VPS35L: variants seen among roughly 807,000 people sequenced by gnomAD.
The protein encoded by VPS35L is VPS35 endosomal protein-sorting factor-like.
In VPS35L, 83 loss-of-function variants were observed where a neutral mutation model predicts 133.0. The ratio of observed to expected loss-of-function variants is 0.62; its 90% confidence interval spans 0.52 to 0.75. The LOEUF (loss-of-function observed/expected upper bound fraction) is 0.75. Among genes scored for constraint, VPS35L ranks in the 30% least tolerant of loss-of-function variants. VPS35L has a pLI of 0.00. For synonymous variants in VPS35L, 423 were observed against 449.9 expected (o/e 0.94, Z 0.76); for missense variants, 1,083 against 1,206.8 (o/e 0.90, Z 1.52).
chr16:19,698,668 G>C (rs1438224296), intron 29 of VPS35L, among the ~76,000 whole-genome samples: 1 of 152,110 alleles, frequency 6.6e-6, no homozygotes, highest in Non-Finnish European at 1.5e-5. Context: ...GCTCTTACAC[G>C]CATTCACTGT....
intron 16 of VPS35L, 99 bp downstream of exon 16, chr16:19,627,904 A>C (rs773017405): frequency 3.3e-6 from 3 of 916,386 alleles, no homozygotes; most frequent in Non-Finnish European, 5.3e-6. Flanking sequence ...ATGGGCCAGC[A>C]GGAACACAGG....
Position 19,608,962 on chromosome 16 carries a change from A to T in VPS35L, c.882-12A>T. 1 of 1,613,052 alleles carries T rather than the reference A, an allele frequency of 6.2e-7. No individual in the cohort carries two copies. ...TCTGGAAAACATCTTCCTTAACAGG[A>T]TGTTTTTGTAGTTACGTGGAGGCAT... is the stretch of plus-strand genomic sequence containing the variant. On this transcript the variant is annotated splice_polypyrimidine_tract_variant and intron_variant, in intron 10 of 30. Transcript: ENST00000417362.
At chr16:19,581,002 T>C (rs1216332122) in intron 6 of VPS35L, among the ~76,000 whole-genome samples, 1 of 152,150 alleles carries the variant, frequency 6.6e-6, no homozygotes, top group Non-Finnish European at 1.5e-5. Context: ...CCCCATAGAA[T>C]TGTGTTTTCT....
At chr16:19,673,550 A>G (rs1974947063) in intron 27 of VPS35L, among the ~76,000 whole-genome samples, 1 of 149,064 alleles carries the variant, frequency 6.7e-6, no homozygotes, top group Admixed American at 6.7e-5. Flanking sequence ...GATTTGAGTT[A>G]TTTATTCCTT....
chr16:19,591,440 G>T (rs113744391), intron 7 of VPS35L, among the ~76,000 whole-genome samples: 1 of 152,092 alleles, frequency 6.6e-6, no homozygotes, highest in Admixed American at 6.6e-5. Flanking sequence ...TATGGGCCGG[G>T]TGCGGTGGCT....
At chr16:19,644,188 T>C (rs1342271055) in intron 22 of VPS35L, among the ~76,000 whole-genome samples, 4 of 152,220 alleles carry the variant, frequency 2.6e-5, no homozygotes, top group African/African-American at 9.7e-5. Flanking sequence ...TAATGACTTT[T>C]TCTTATTTAT....
intron 26 of VPS35L, among the ~76,000 whole-genome samples, chr16:19,661,991 T>A (rs905911994): frequency 6.6e-6 from 1 of 152,138 alleles, no homozygotes; most frequent in Non-Finnish European, 1.5e-5. Flanking sequence ...TTTAGAAATT[T>A]AAGCCTGGGC....
At chr16:19,646,520 C>A (rs1597391648) in intron 23 of VPS35L, among the ~76,000 whole-genome samples, 1 of 152,028 alleles carries the variant, frequency 6.6e-6, no homozygotes, top group Admixed American at 6.6e-5. Flanking sequence ...ACAAAATTAG[C>A]CGGGTGTTGT....
At chr16:19,561,121 G>A (rs550614519) in intron 1 of VPS35L, among the ~76,000 whole-genome samples, 96 of 152,256 alleles carry the variant, frequency 6.3e-4, no homozygotes, top group Admixed American at 6.1e-3. Flanking sequence ...TGTAATCCCA[G>A]CACTTTGGGA....
chr16:19,691,529 G>A (rs2151626491), intron 29 of VPS35L, 58 bp downstream of exon 29: 3 of 1,429,330 alleles, frequency 2.1e-6, no homozygotes, highest in Non-Finnish European at 3.0e-6. Flanking sequence ...AAGTTTCCAG[G>A]GTGGTTCAAC....
intron 26 of VPS35L, among the ~76,000 whole-genome samples, chr16:19,659,011 G>A (rs111569441): frequency 0.044 from 6,722 of 152,246 alleles, 495 homozygotes; most frequent in African/African-American, 0.15. Context: ...TAACCACTGT[G>A]CCTCTCTATA....
At chr16:19,649,857 T>A (rs1193017991) in intron 24 of VPS35L, among the ~76,000 whole-genome samples, 1 of 152,204 alleles carries the variant, frequency 6.6e-6, no homozygotes, top group African/African-American at 2.4e-5. Flanking sequence ...GGTAATAGTA[T>A]CCACCCTGGG....
intron 26 of VPS35L, among the ~76,000 whole-genome samples, chr16:19,654,835 G>A (rs1027575024): frequency 6.6e-6 from 1 of 152,200 alleles, no homozygotes; most frequent in African/African-American, 2.4e-5. Context: ...GGAGGCTTTA[G>A]AAGCCTAGAT....
Position 19,616,177 on chromosome 16 carries a change from C to A in VPS35L, c.1087C>A (p.Leu363Ile), listed in dbSNP as rs1329265843. Residue 363 changes from leucine to isoleucine, a missense_variant, in exon 13 of 31, where the codon CTT becomes ATT. Leu to Ile is a conservative substitution (Grantham distance 5). Coordinates refer to ENST00000417362, the MANE Select transcript of VPS35L (RefSeq NM_020314.7). Reference sequence around the variant, plus strand: ...AAATAAGAACTTTTTTGACTTCCTCCTTACGTTCAAACAGGTAAGAGAACA... The same window carrying A: ...AAATAAGAACTTTTTTGACTTCCTCATTACGTTCAAACAGGTAAGAGAACA... ...TLNKNFFDFL[L>I]TFKQIHGDTV... 1.9e-6 allele frequency: 3 copies of A among 1,611,472 alleles called. No homozygotes were observed. The highest frequency in any genetic ancestry group is 1.7e-5 in the Admixed American group (1 of 59,962).
rs1366502319 is a variant in VPS35L at position 19,639,689 on chromosome 16, T to A, written c.1699-326T>A. ...GACTACAGGCATGCATCACCATGCC[T>A]GGTTTATTTTTGTATTTTTAGTAGA... is the stretch of plus-strand genomic sequence containing the variant. On this transcript the variant is annotated intron_variant, in intron 20 of 30. Coordinates refer to ENST00000417362, the MANE Select transcript of VPS35L (RefSeq NM_020314.7). This position sits in a 1 kb window ranked among gnomAD's most constrained non-coding sequence, Gnocchi z 4.1. Among the ~76,000 whole-genome samples the A allele has an allele frequency of 3.3e-5, 5 of 152,062 alleles. No individual in the cohort carries two copies. Among genetic ancestry groups the A allele is most frequent in the African/African-American group, 1.2e-4 (5 of 41,408 alleles).
chr16:19,573,184 G>A lies in VPS35L; in HGVS notation c.351G>A (p.Trp117Ter), dbSNP rs780519985. The stretch of plus-strand genomic sequence containing the variant: ...TTGTAGGATCGGATTTTGAGCCTTG[G>A]ACCAACAAACGGGGAGAAATCCTTG... ...NSVVGSDFEPWTNKRGEILAR... is the reference protein window; with the variant it reads ...NSVVGSDFEP The change falls in exon 4 of 31, where the codon TGG (tryptophan) becomes TGA (stop). Residue 117 changes from tryptophan (W) to a stop codon, truncating the protein, a stop_gained. Coordinates refer to ENST00000417362, the MANE Select transcript of VPS35L (RefSeq NM_020314.7). LOFTEE classifies it high-confidence loss of function. 4 of 1,613,988 alleles carry A rather than the reference G, an allele frequency of 2.5e-6. No individual in the cohort carries two copies. The highest frequency in any genetic ancestry group is 1.7e-5 in the Admixed American group (1 of 59,996).
chr16:19,627,554 T>C (rs1231837409), intron 15 of VPS35L, 140 bp from the exon 16 acceptor site: 10 of 659,054 alleles, frequency 1.5e-5, no homozygotes, highest in Non-Finnish European at 2.7e-5. Flanking sequence ...CCAGTTTACC[T>C]TTTTACTCTG....
intron 21 of VPS35L, among the ~76,000 whole-genome samples, chr16:19,640,891 T>C (rs1407400060): frequency 2.6e-5 from 4 of 151,838 alleles, no homozygotes; most frequent in Non-Finnish European, 5.9e-5. Flanking sequence ...GGACTACAGG[T>C]GTGCCCCACT....
At chr16:19,591,674 G>T in intron 7 of VPS35L, 116 bp from the exon 8 acceptor site, 2 of 731,912 alleles carry the variant, frequency 2.7e-6, no homozygotes, top group East Asian at 2.7e-5. Flanking sequence ...CACAGGCCTT[G>T]GCACATAGTA....
Sources: allele counts gnomAD v4.1 joint callset (sites outside exome capture counted in the v4.1 genomes callset), GRCh38; gene constraint gnomAD v4.1.1; non-coding constraint Gnocchi (gnomAD v3.1); transcripts MANE v1.5; gene names NCBI Gene and HGNC (gene_info 2026-07-23, HGNC 2026-07-21).